The following KRT16 variants were observed in gnomAD, a reference collection of about 807,000 sequenced individuals.
KRT16 encodes keratin, type I cytoskeletal 16.
A neutral mutation model predicts 44.8 loss-of-function variants in KRT16; 42 were observed. The observed-to-expected ratio is 0.94, with a 90% CI of 0.73 to 1.21. The LOEUF is 1.21. Among genes scored for constraint, KRT16 ranks in the 50% most tolerant of loss-of-function variants. The pLI is 0.00. For missense variants in KRT16, 561 were observed against 626.9 expected (o/e 0.89, Z 1.12); for synonymous variants, 226 against 260.4 (o/e 0.87, Z 1.27).
rs370949361 is a variant in KRT16 at position 41,610,284 on chromosome 17, G to C, written c.1280+47C>G. ...CAGTCAGTTGTGCTGAGAGCAGCAG[G>C]GGGGCTAAAGGGTCTGGGAGGCAGA... On this transcript the variant is annotated intron_variant, in intron 6 of 7. Coordinates refer to ENST00000301653, the MANE Select transcript of KRT16 (RefSeq NM_005557.4). 4.2e-5 allele frequency: 67 copies of C among 1,613,458 alleles called. No homozygotes were observed. The African/African-American group carries it at 4.7e-4, about 11-fold the overall frequency.
intron 5 of KRT16, 111 bp downstream of exon 5, chr17:41,610,743 C>T (rs1361137994): frequency 1.3e-6 from 2 of 1,552,180 alleles, no homozygotes; most frequent in African/African-American, 2.7e-5. Flanking sequence ...TCCCATGAGT[C>T]CCCTGGTCCC....
Position 41,611,201 on chromosome 17 carries a change from G to T in KRT16, c.801C>A (p.Gly267=), listed in dbSNP as rs200123727. The change falls in exon 4 of 8, where the codon GGC becomes GGA. Residue 267 remains glycine, a synonymous_variant. Transcript: ENST00000301653. ...EEMLALRGQT[G]GDVNVEMDAA... ...CATCCATCTCCACGTTCACATCTCC[G>T]CCGGTCTGACCTCTCAGAGCAAGCA... 1 of 1,613,936 alleles carries T rather than the reference G, an allele frequency of 6.2e-7. No individual in the cohort carries two copies. The highest frequency in any genetic ancestry group is 8.5e-7 in the Non-Finnish European group (1 of 1,179,854).
intron 5 of KRT16, 35 bp downstream of exon 5, chr17:41,610,819 A>G (rs1468477000): frequency 5.0e-6 from 8 of 1,612,780 alleles, no homozygotes; most frequent in African/African-American, 1.3e-5. Context: ...ATTACTGGTG[A>G]CTTGGGGGCT....
Position 41,611,449 on chromosome 17 carries a change from G to A in KRT16, c.667C>T (p.Leu223=). ...GTCAGCTCATCCAACACCCGGCGCA[G>A]GCCATTGACGTCGGCCTCCACAGTC... is the stretch of plus-strand genomic sequence containing the variant. ...RQTVEADVNG[L]RRVLDELTLA... is the part of the protein sequence containing the mutation. The change falls in exon 3 of 8, where the codon CTG becomes TTG. Residue 223 remains leucine (L), a synonymous_variant. Coordinates refer to ENST00000301653, the MANE Select transcript of KRT16 (RefSeq NM_005557.4). 1.2e-6 allele frequency: 2 copies of A among 1,614,196 alleles called. No individual in the cohort carries two copies. The highest frequency in any genetic ancestry group is 1.7e-6 in the Non-Finnish European group (2 of 1,180,046).
chr17:41,611,596 G>A, intron 2 of KRT16, 43 bp downstream of exon 2: 4 of 1,606,986 alleles, frequency 2.5e-6, no homozygotes, highest in Non-Finnish European at 3.4e-6. Flanking sequence ...CCCACTCTTT[G>A]TCCCTTGCCC....
At position 41,612,173 on chromosome 17, in the gene KRT16, C is replaced by A. The variant is rs1418465945; in HGVS notation, c.516G>T (p.Glu172Asp). 2 of 1,612,180 alleles carry A rather than the reference C, an allele frequency of 1.2e-6. No homozygotes were observed. Among genetic ancestry groups the A allele is most frequent in the African/African-American group, 2.7e-5 (2 of 74,852 alleles). Residue 172 changes from glutamate to aspartate, a missense_variant, in exon 1 of 8, where the codon GAG (glutamate) becomes GAT (aspartate). By Grantham distance (45) the Glu-to-Asp change is conservative. Transcript: ENST00000301653. ...AGTCACCCACCTTGTTCCTCAGGTC[C>A]TCGATGGTCTTGAAGTAGGGACTGT... The part of the protein sequence containing the change: ...KDYSPYFKTI[E>D]DLRNKIIAAT...
In KRT16 at chr17:41,611,180, C is replaced by T; in HGVS notation, c.822G>A (p.Met274Ile). 1 of 1,614,006 alleles carries T rather than the reference C, an allele frequency of 6.2e-7. No individual in the cohort carries two copies. Residue 274 changes from methionine (M) to isoleucine (I), a missense_variant, in exon 4 of 8, where the codon ATG becomes ATA. By Grantham distance (10) the Met-to-Ile change is conservative (BLOSUM62 1). Coordinates refer to ENST00000301653, the MANE Select transcript of KRT16 (RefSeq NM_005557.4). ...TCAGGTCCACGCCAGGTGCAGCATC[C>T]ATCTCCACGTTCACATCTCCGCCGG... ...GQTGGDVNVE[M>I]DAAPGVDLSR...
In KRT16 at chr17:41,610,355, C is replaced by A. The variant is rs138288025; in HGVS notation, c.1256G>T (p.Arg419Leu). 1.7e-5 allele frequency: 28 copies of A among 1,612,578 alleles called. No homozygotes were observed. Among genetic ancestry groups the A allele is most frequent in the Non-Finnish European group, 2.3e-5 (27 of 1,179,870 alleles). ...CTGGGCATCCTCGCCCTCCAGCAGGCGGCGGTAGGTGGCAATCTCCTGCTC... is the reference window on the plus strand; with the variant it reads ...CTGGGCATCCTCGCCCTCCAGCAGGAGGCGGTAGGTGGCAATCTCCTGCTC... ...RLEQEIATYRRLLEGEDAHLS... is the reference protein window; with the variant it reads ...RLEQEIATYRLLLEGEDAHLS... Residue 419 changes from arginine (R) to leucine (L), a missense_variant, in exon 6 of 8, where the codon CGC becomes CTC. Arg to Leu is a moderately radical substitution (Grantham distance 102). Coordinates refer to ENST00000301653, the MANE Select transcript of KRT16 (RefSeq NM_005557.4).
rs1245090079 is a variant in KRT16, at chr17:41,611,673, T to G, written c.580A>C (p.Asn194His). Residue 194 changes from asparagine to histidine, a missense_variant, in exon 2 of 8, where the codon AAT (asparagine) becomes CAT (histidine). Transcript: ENST00000301653. ...AAGTCATCGGCTGCCAGCCTGGCAT[T>G]GTCAATCTGCAAAATGGGCTGCGCA... ...ENAQPILQID[N>H]ARLAADDFRT... is the part of the protein sequence containing the mutation. The G allele has an allele frequency of 4.3e-6, 7 of 1,611,540 alleles. No individual in the cohort carries two copies. The South Asian group carries it at 7.7e-5, about 18-fold the overall frequency.
At position 41,612,600 on chromosome 17, in the gene KRT16, C is replaced by T. The variant is rs765215802; in HGVS notation, c.89G>A (p.Arg30His). Residue 30 changes from arginine (R) to histidine (H), a missense_variant, in exon 1 of 8, where the codon CGC (arginine) becomes CAC (histidine). Physicochemically the swap from Arg to His is conservative, Grantham distance 29 (BLOSUM62 0). Transcript: ENST00000301653. The stretch of plus-strand genomic sequence containing the variant: ...CCCTCCGGCCAGGACGGAGGAGATG[C>T]GGCTGGAGCCGCCCCCGATGCCGCC... ...IGGGIGGGSS[R>H]ISSVLAGGSC... 6.9e-6 allele frequency: 11 copies of T among 1,594,928 alleles called. No homozygotes were observed. The highest frequency in any genetic ancestry group is 2.2e-5 in the South Asian group (2 of 89,266).
At chr17:41,610,782 CTG>C (rs1908163190) in intron 5 of KRT16, 70 bp downstream of exon 5, 4 of 1,608,584 alleles carry the variant, frequency 2.5e-6, no homozygotes, top group Non-Finnish European at 3.4e-6. Flanking sequence ...TGGAACTAGA[CTG>C]TGGCTTTTTG....
Position 41,610,442 on chromosome 17 carries a change from C to A in KRT16, c.1169G>T (p.Arg390Leu), listed in dbSNP as rs377349355. ...CTGGCTCTGCTGCTCCATCTCACAG[C>A]GTAGCTGGGCCAGCTGCTCCTCCAC... ...GSVEEQLAQL[R>L]CEMEQQSQEY... Residue 390 changes from arginine to leucine, a missense_variant, in exon 6 of 8, where the codon CGC (arginine) becomes CTC (leucine). Coordinates refer to ENST00000301653, the MANE Select transcript of KRT16 (RefSeq NM_005557.4). 1 of 1,612,168 alleles carries A rather than the reference C, an allele frequency of 6.2e-7. No homozygotes were observed. The highest frequency in any genetic ancestry group is 8.5e-7 in the Non-Finnish European group (1 of 1,179,858).
intron 5 of KRT16, 27 bp from the exon 6 acceptor site, chr17:41,610,578 C>A (rs1908155853): frequency 1.2e-6 from 2 of 1,610,534 alleles, no homozygotes; most frequent in Non-Finnish European, 1.7e-6. Flanking sequence ...GAAAAAGAGT[C>A]CATGGAGGTG....
At position 41,611,671 on chromosome 17, in the gene KRT16, A is replaced by G. The variant is rs1908206675; in HGVS notation, c.582T>C (p.Asn194=). 6.2e-7 allele frequency: 1 copy of G among 1,611,338 alleles called. No individual in the cohort carries two copies. Among genetic ancestry groups the G allele is most frequent in the Admixed American group, 1.7e-5 (1 of 59,892 alleles). The change falls in exon 2 of 8, where the codon AAT becomes AAC. Residue 194 remains asparagine, a synonymous_variant. Coordinates refer to ENST00000301653, the MANE Select transcript of KRT16 (RefSeq NM_005557.4). ...TGAAGTCATCGGCTGCCAGCCTGGC[A>G]TTGTCAATCTGCAAAATGGGCTGCG... ...ENAQPILQID[N]ARLAADDFRT...
In KRT16 at chr17:41,611,206, T is replaced by C; in HGVS notation, c.796A>G (p.Thr266Ala). 2.5e-6 allele frequency: 4 copies of C among 1,614,012 alleles called. No homozygotes were observed. The highest frequency in any genetic ancestry group is 3.4e-6 in the Non-Finnish European group (4 of 1,179,878). Residue 266 changes from threonine (T) to alanine (A), a missense_variant, in exon 4 of 8, where the codon ACC becomes GCC. Thr to Ala is a moderately conservative substitution (Grantham distance 58). Transcript: ENST00000301653. Reference protein sequence around the residue: ...EEEMLALRGQTGGDVNVEMDA... With the variant: ...EEEMLALRGQAGGDVNVEMDA... Reference sequence around the variant, plus strand: ...ATCTCCACGTTCACATCTCCGCCGGTCTGACCTCTCAGAGCAAGCATCTCC... The same window carrying C: ...ATCTCCACGTTCACATCTCCGCCGGCCTGACCTCTCAGAGCAAGCATCTCC...
intron 1 of KRT16, 30 bp from the exon 2 acceptor site, chr17:41,611,751 G>C (rs377355165): frequency 1.9e-6 from 3 of 1,586,784 alleles, no homozygotes; most frequent in Middle Eastern, 4.6e-4. Context: ...CAGGAGCCCT[G>C]GTCAGCCAAG....
chr17:41,610,825 G>A, intron 5 of KRT16, 29 bp downstream of exon 5: 1 of 1,613,128 alleles, frequency 6.2e-7, no homozygotes, highest in Non-Finnish European at 8.5e-7. Flanking sequence ...GGTGACTTGG[G>A]GGCTGCTGCT....
chr17:41,610,299 T>C, intron 6 of KRT16, 32 bp downstream of exon 6: 1 of 1,613,566 alleles, frequency 6.2e-7, no homozygotes, highest in Non-Finnish European at 8.5e-7. Context: ...CTAAAGGGTC[T>C]GGGAGGCAGA....
In KRT16 at chr17:41,610,495, C is replaced by T. The variant is rs1232137607; in HGVS notation, c.1116G>A (p.Leu372=). 6.2e-7 allele frequency: 1 copy of T among 1,612,050 alleles called. No individual in the cohort carries two copies. Among genetic ancestry groups the T allele is most frequent in the African/African-American group, 1.3e-5 (1 of 74,872 alleles). ...EETKGRYCMQ[L]SQIQGLIGSV... Reference sequence around the variant, plus strand: ...TGCCAATCAGTCCCTGGATCTGGGACAGCTGCATGCAGTAGCGGCCTTTGG... The same window carrying T: ...TGCCAATCAGTCCCTGGATCTGGGATAGCTGCATGCAGTAGCGGCCTTTGG... Residue 372 remains leucine (L), a synonymous_variant, in exon 6 of 8, where the codon CTG becomes CTA. Transcript: ENST00000301653.
Sources: gnomAD v4.1 joint callset for allele counts on GRCh38, gnomAD v4.1.1 for gene constraint, MANE v1.5 for transcripts, NCBI Gene and HGNC (gene_info 2026-07-23, HGNC 2026-07-21) for gene names.